The following PTPRN2 variants were observed in gnomAD, a reference collection of about 807,000 sequenced individuals.
PTPRN2 encodes receptor-type tyrosine-protein phosphatase N2.
Under a neutral mutation model 118.8 loss-of-function variants are expected in PTPRN2, and 74 were observed. The ratio of observed to expected loss-of-function variants is 0.62; its 90% confidence interval spans 0.52 to 0.76. PTPRN2 has a LOEUF of 0.76. Among genes scored for constraint, PTPRN2 ranks in the 30% least tolerant of loss-of-function variants. The pLI, the probability that PTPRN2 is intolerant of heterozygous loss-of-function variation, is 0.00. For missense variants in PTPRN2, 1,481 were observed against 1,394.4 expected (o/e 1.06, Z -0.99); for synonymous variants, 641 against 608.0 (o/e 1.05, Z -0.80).
rs144071135 is a variant in PTPRN2 at position 157,780,159 on chromosome 7, T to C, written c.1789-97222A>G. ...TCTTTGTTTATGATCCCACCACGTA[T>C]CTCTACTATTAAAGAATTAGCCTCT... On this transcript the variant is annotated intron_variant, in intron 12 of 22. Transcript: ENST00000389418. This position sits in a 1 kb window ranked among gnomAD's most constrained non-coding sequence, Gnocchi z 4.5. 2.2e-3 allele frequency among the ~76,000 whole-genome samples: 341 copies of C among 152,256 alleles called. 1 individual carries two copies. Among genetic ancestry groups the C allele is most frequent in the African/African-American group, 7.7e-3 (319 of 41,534 alleles).
At chr7:158,111,671 G>A (rs1347466050) in intron 9 of PTPRN2, among the ~76,000 whole-genome samples, 3 of 152,194 alleles carry the variant, frequency 2.0e-5, no homozygotes, top group Admixed American at 6.5e-5. Context: ...TCCAGTGAGC[G>A]TGCAGGATGC....
In PTPRN2 at chr7:157,831,366, CG is replaced by C. The variant is rs1315947708; in HGVS notation, c.1788+67306del. 1.3e-5 allele frequency among the ~76,000 whole-genome samples: 2 copies of C among 152,208 alleles called. No homozygotes were observed. Among genetic ancestry groups the C allele is most frequent in the Non-Finnish European group, 2.9e-5 (2 of 68,046 alleles). ...ATATCCTGTAGTCTAAGCCTTCTCTCGTTGGGGTTTTCTGTTATTTCTTCCC... is the reference window on the plus strand; with the variant it reads ...ATATCCTGTAGTCTAAGCCTTCTCTCTTGGGGTTTTCTGTTATTTCTTCCC... On this transcript the variant is annotated intron_variant, in intron 12 of 22. Transcript: ENST00000389418. This position sits in a 1 kb window ranked among gnomAD's most constrained non-coding sequence, Gnocchi z 4.8.
At chr7:158,166,825 C>A in intron 6 of PTPRN2, 106 bp downstream of exon 6, 1 of 1,310,012 alleles carries the variant, frequency 7.6e-7, no homozygotes, top group African/African-American at 1.5e-5. Flanking sequence ...CGGGGGAGTG[C>A]GGTGTGCAGA....
chr7:157,808,016 C>T lies in PTPRN2; in HGVS notation c.1788+90657G>A, dbSNP rs193207311. Among the ~76,000 whole-genome samples the T allele has an allele frequency of 6.6e-6, 1 of 152,320 alleles. No homozygotes were observed. The highest frequency in any genetic ancestry group is 2.4e-5 in the African/African-American group (1 of 41,586). ...GCTAGTGAGCAGCAGAGCTGAGGTC[C>T]AACTCCAAGTGTGTTTGCCCCCAAA... is the stretch of plus-strand genomic sequence containing the variant. On this transcript the variant is annotated intron_variant, in intron 12 of 22. Transcript: ENST00000389418. The surrounding 1 kb of genome is among the most constrained non-coding windows in gnomAD (Gnocchi z 5.0).
At chr7:158,116,181 A>G (rs992184254) in intron 9 of PTPRN2, among the ~76,000 whole-genome samples, 2 of 152,258 alleles carry the variant, frequency 1.3e-5, no homozygotes, top group African/African-American at 4.8e-5. Flanking sequence ...TGTCAAAAAC[A>G]GCAAAAAATC....
intron 11 of PTPRN2, among the ~76,000 whole-genome samples, chr7:158,048,073 C>T (rs1809012945): frequency 6.6e-6 from 1 of 152,122 alleles, no homozygotes; most frequent in South Asian, 2.1e-4. Context: ...TGCATACACA[C>T]TTTCTTCTAA....
chr7:158,103,581 G>C (rs1034342889), intron 10 of PTPRN2, among the ~76,000 whole-genome samples: 2 of 152,204 alleles, frequency 1.3e-5, no homozygotes, highest in African/African-American at 2.4e-5. Context: ...CAGAATGTCT[G>C]AGGTCACTGG....
At chr7:158,210,075 T>C (rs1213625905) in intron 3 of PTPRN2, among the ~76,000 whole-genome samples, 1 of 150,866 alleles carries the variant, frequency 6.6e-6, no homozygotes, top group African/African-American at 2.4e-5. Context: ...AGTTTATAGC[T>C]ATAAGCAACT....
At position 157,801,422 on chromosome 7, in the gene PTPRN2, G is replaced by A. The variant is rs1340772609; in HGVS notation, c.1788+97251C>T. Among the ~76,000 whole-genome samples, 11 of 152,214 alleles carry A rather than the reference G, an allele frequency of 7.2e-5. No individual in the cohort carries two copies. In the East Asian group the frequency reaches 1.2e-3, roughly 16 times the overall value. On this transcript the variant is annotated intron_variant, in intron 12 of 22. Coordinates refer to ENST00000389418, the MANE Select transcript of PTPRN2 (RefSeq NM_002847.5). This position sits in a 1 kb window ranked among gnomAD's most constrained non-coding sequence, Gnocchi z 4.2. ...AGGCTCTGCATCACGAGAGTGCTGC[G>A]TTAACCCAGGTGCGGGGGATATTAT...
intron 2 of PTPRN2, among the ~76,000 whole-genome samples, chr7:158,359,263 A>C (rs1245517508): frequency 6.6e-6 from 1 of 152,262 alleles, no homozygotes; most frequent in African/African-American, 2.4e-5. Flanking sequence ...AACGTTGAAA[A>C]TGTCTTGGCT....
chr7:157,627,367 AT>A lies in PTPRN2; in HGVS notation c.2197-5859del, dbSNP rs574090903. On this transcript the variant is annotated intron_variant, in intron 14 of 22. Coordinates refer to ENST00000389418, the MANE Select transcript of PTPRN2 (RefSeq NM_002847.5). The surrounding 1 kb of genome is among the most constrained non-coding windows in gnomAD (Gnocchi z 4.2). ...GAGGGAGTGAGCCAGTGAAGGCGGG[AT>A]TGCACCACAATGCGTGCTCACATCA... is the stretch of plus-strand genomic sequence containing the variant. 6.6e-6 allele frequency among the ~76,000 whole-genome samples: 1 copy of A among 152,204 alleles called. No homozygotes were observed. The highest frequency in any genetic ancestry group is 2.1e-4 in the South Asian group (1 of 4,832).
chr7:157,637,298 C>T (rs897142255), intron 14 of PTPRN2, among the ~76,000 whole-genome samples: 4 of 152,162 alleles, frequency 2.6e-5, no homozygotes, highest in African/African-American at 4.8e-5. Context: ...GCAACCTTTA[C>T]GTAACTAAGC....
intron 10 of PTPRN2, among the ~76,000 whole-genome samples, chr7:158,100,644 G>A (rs879359372): frequency 2.6e-5 from 4 of 152,106 alleles, no homozygotes; most frequent in Non-Finnish European, 4.4e-5. Flanking sequence ...GCATTTCCCT[G>A]ATCATTAGTG....
intron 3 of PTPRN2, among the ~76,000 whole-genome samples, chr7:158,303,793 T>A (rs1801073138): frequency 6.6e-6 from 1 of 152,258 alleles, no homozygotes; most frequent in Admixed American, 6.5e-5. Flanking sequence ...CACCATGGTT[T>A]CCGAGGCTCC....
chr7:158,174,368 G>T (rs964166337), intron 5 of PTPRN2, among the ~76,000 whole-genome samples: 2 of 151,434 alleles, frequency 1.3e-5, no homozygotes, highest in Non-Finnish European at 2.9e-5. Flanking sequence ...ACCATCCACA[G>T]CAGCATCCCC....
intron 1 of PTPRN2, among the ~76,000 whole-genome samples, chr7:158,521,808 C>CA (rs1432273733): frequency 1.7e-5 from 1 of 58,710 alleles, no homozygotes; most frequent in Non-Finnish European, 3.4e-5. Flanking sequence ...GGTGCTGGCT[C>CA]GGGAGGGAGG....
Position 157,962,693 on chromosome 7 carries a change from C to G in PTPRN2, c.1724-63956G>C, listed in dbSNP as rs139548532. Among the ~76,000 whole-genome samples the G allele has an allele frequency of 5.6e-3, 850 of 152,262 alleles. 11 individuals carry two copies. The highest frequency in any genetic ancestry group is 0.019 in the African/African-American group (804 of 41,542). On this transcript the variant is annotated intron_variant, in intron 11 of 22. Transcript: ENST00000389418. ...GGAAGAGTCCGGTGGGAAGGGTTTTCAGTGACAAGCATAGGAAGGGTTCGT... is the reference window on the plus strand; with the variant it reads ...GGAAGAGTCCGGTGGGAAGGGTTTTGAGTGACAAGCATAGGAAGGGTTCGT...
chr7:158,336,979 T>C (rs373040566), intron 2 of PTPRN2, among the ~76,000 whole-genome samples: 323 of 10,350 alleles, frequency 0.031, no homozygotes, highest in African/African-American at 0.047. Flanking sequence ...TAAGAGCTGA[T>C]GCCCGCAGAC....
rs914714764 is a variant in PTPRN2 at position 157,986,072 on chromosome 7, T to C, written c.1724-87335A>G. ...CACAAACACACTTCCTGCTTCCAGA[T>C]GGATGGAGGTGGGAGGAGGGAGGGG... On this transcript the variant is annotated intron_variant, in intron 11 of 22. Coordinates refer to ENST00000389418, the MANE Select transcript of PTPRN2 (RefSeq NM_002847.5). The surrounding 1 kb of genome is among the most constrained non-coding windows in gnomAD (Gnocchi z 4.5). Among the ~76,000 whole-genome samples the C allele has an allele frequency of 4.6e-5, 7 of 152,180 alleles. No individual in the cohort carries two copies. The highest frequency in any genetic ancestry group is 1.7e-4 in the African/African-American group (7 of 41,450).
Sources: gnomAD v4.1 joint callset for allele counts (sites outside exome capture counted in the v4.1 genomes callset) on GRCh38, gnomAD v4.1.1 for gene constraint, Gnocchi (gnomAD v3.1) non-coding constraint, MANE v1.5 for transcripts, NCBI Gene and HGNC (gene_info 2026-07-23, HGNC 2026-07-21) for gene names.